Variants in PTPRK observed in about 807,000 individuals in gnomAD.
PTPRK encodes the protein protein tyrosine phosphatase receptor type K.
In PTPRK, 75 loss-of-function variants were observed where a neutral mutation model predicts 178.0. The ratio of observed to expected loss-of-function variants is 0.42; its 90% CI spans 0.35 to 0.51. The LOEUF (loss-of-function observed/expected upper bound fraction) is 0.51. PTPRK is among the 20% of genes least tolerant of loss of function. The pLI is 0.02. For synonymous variants in PTPRK, 637 were observed against 620.6 expected (o/e 1.03, Z -0.39); for missense variants, 1,441 against 1,797.8 (o/e 0.80, Z 3.59).
At chr6:127,988,792 C>G (rs1303608427) in intron 21 of PTPRK, among the ~76,000 whole-genome samples, 1 of 151,694 alleles carries the variant, frequency 6.6e-6, no homozygotes, top group Admixed American at 6.6e-5. Flanking sequence ...AATAAACAAG[C>G]TTTTTCTTTT....
intron 13 of PTPRK, among the ~76,000 whole-genome samples, chr6:128,063,266 A>G (rs1403560865): frequency 1.3e-5 from 2 of 152,200 alleles, no homozygotes; most frequent in African/African-American, 4.8e-5. Flanking sequence ...GCCACATGGT[A>G]AGACTGTTTC....
intron 3 of PTPRK, among the ~76,000 whole-genome samples, chr6:128,313,808 C>T (rs1016057586): frequency 1.3e-5 from 2 of 152,184 alleles, no homozygotes; most frequent in East Asian, 3.9e-4. Context: ...AGACCAGACA[C>T]AATCAGAGCT....
chr6:128,025,609 T>A (rs1774172981), intron 13 of PTPRK, among the ~76,000 whole-genome samples: 1 of 152,192 alleles, frequency 6.6e-6, no homozygotes, highest in Non-Finnish European at 1.5e-5. Context: ...ATATTTATTC[T>A]CTTACAGTTC....
intron 10 of PTPRK, among the ~76,000 whole-genome samples, chr6:128,081,721 T>C (rs1784856539): frequency 6.6e-6 from 1 of 151,962 alleles, no homozygotes; most frequent in African/African-American, 2.4e-5. Context: ...TTAGTAATCT[T>C]AAATAAGAAA....
intron 7 of PTPRK, among the ~76,000 whole-genome samples, chr6:128,117,884 C>T (rs1405542880): frequency 6.6e-6 from 1 of 152,150 alleles, no homozygotes; most frequent in East Asian, 1.9e-4. Context: ...AACTCCTGAC[C>T]TCAGGCAATC....
chr6:128,447,349 C>A (rs1442206508), intron 1 of PTPRK, among the ~76,000 whole-genome samples: 2 of 152,178 alleles, frequency 1.3e-5, no homozygotes, highest in African/African-American at 2.4e-5. Context: ...CAAGTCTCCA[C>A]CATATGTCAG....
Position 128,477,587 on chromosome 6 carries a change from T to G in PTPRK, c.100+42672A>C, listed in dbSNP as rs117318213. On this transcript the variant is annotated intron_variant, in intron 1 of 29. Coordinates refer to ENST00000368226, the MANE Select transcript of PTPRK (RefSeq NM_002844.4). Reference sequence around the variant, plus strand: ...AATCTCTTTTCTGTACACTTTAGAATAAATTAAATTCTAAAAGCTAAATTT... The same window carrying G: ...AATCTCTTTTCTGTACACTTTAGAAGAAATTAAATTCTAAAAGCTAAATTT... Among the ~76,000 whole-genome samples, 1,161 of 152,258 alleles carry G rather than the reference T, an allele frequency of 7.6e-3. 12 individuals are homozygous for G. Among genetic ancestry groups the G allele is most frequent in the Non-Finnish European group, 0.012 (823 of 68,002 alleles).
intron 1 of PTPRK, among the ~76,000 whole-genome samples, chr6:128,421,388 G>A (rs1302728858): frequency 6.6e-6 from 1 of 152,176 alleles, no homozygotes; most frequent in East Asian, 1.9e-4. Context: ...ATCGGTATTT[G>A]TGGCAGAAGA....
intron 1 of PTPRK, among the ~76,000 whole-genome samples, chr6:128,470,904 T>G (rs904853330): frequency 1.3e-5 from 2 of 150,282 alleles, no homozygotes; most frequent in African/African-American, 4.9e-5. Context: ...AGTGAATTTC[T>G]TTCTTCCTTT....
At chr6:128,169,029 A>T (rs1799821026) in intron 7 of PTPRK, among the ~76,000 whole-genome samples, 1 of 152,096 alleles carries the variant, frequency 6.6e-6, no homozygotes, top group Admixed American at 6.6e-5. Context: ...TTTTTCTTGA[A>T]GTCAAATGAG....
chr6:128,251,788 G>A (rs1460007877), intron 3 of PTPRK, among the ~76,000 whole-genome samples: 1 of 152,074 alleles, frequency 6.6e-6, no homozygotes, highest in East Asian at 1.9e-4. Flanking sequence ...TATTTATAAT[G>A]TTACCAGGTA....
intron 1 of PTPRK, among the ~76,000 whole-genome samples, chr6:128,506,772 T>C (rs986776863): frequency 1.3e-5 from 2 of 152,068 alleles, no homozygotes; most frequent in African/African-American, 4.8e-5. Context: ...TATAAAGTGA[T>C]GCTTGTGGTC....
intron 11 of PTPRK, among the ~76,000 whole-genome samples, chr6:128,071,935 A>C (rs1429257332): frequency 6.6e-6 from 1 of 152,034 alleles, no homozygotes; most frequent in Non-Finnish European, 1.5e-5. Context: ...TAAAAGATGA[A>C]ATAAGAAATA....
intron 5 of PTPRK, among the ~76,000 whole-genome samples, chr6:128,223,506 G>A (rs1480298941): frequency 2.6e-5 from 4 of 151,828 alleles, no homozygotes; most frequent in Non-Finnish European, 5.9e-5. Context: ...ATATGTGTGT[G>A]TATTAATATA....
intron 2 of PTPRK, among the ~76,000 whole-genome samples, chr6:128,338,724 A>G (rs754280350): frequency 6.6e-6 from 1 of 152,060 alleles, no homozygotes; most frequent in Non-Finnish European, 1.5e-5. Flanking sequence ...TAGCTTCCTA[A>G]TCAATGTTCT....
chr6:128,337,955 G>A (rs1170309508), intron 2 of PTPRK, among the ~76,000 whole-genome samples: 1 of 152,182 alleles, frequency 6.6e-6, no homozygotes, highest in African/African-American at 2.4e-5. Flanking sequence ...GAGACTGAAA[G>A]TTTGGCTGCA....
chr6:128,220,046 T>C (rs1415378820), intron 5 of PTPRK, among the ~76,000 whole-genome samples: 1 of 152,200 alleles, frequency 6.6e-6, no homozygotes, highest in Admixed American at 6.5e-5. Flanking sequence ...GGAAGCCATA[T>C]TTATGATATC....
chr6:128,001,028 T>A (rs1423897293), intron 15 of PTPRK, among the ~76,000 whole-genome samples: 2 of 152,040 alleles, frequency 1.3e-5, no homozygotes, highest in African/African-American at 4.8e-5. Flanking sequence ...AATAATCACA[T>A]ATGCATTATT....
intron 1 of PTPRK, among the ~76,000 whole-genome samples, chr6:128,484,547 C>G (rs186551748): frequency 6.6e-6 from 1 of 152,246 alleles, no homozygotes; most frequent in East Asian, 1.9e-4. Flanking sequence ...AGCCAGTTAT[C>G]AAGTGATAAT....
Sources: gnomAD v4.1 joint callset for allele counts (sites outside exome capture counted in the v4.1 genomes callset) on GRCh38, gnomAD v4.1.1 for gene constraint, MANE v1.5 for transcripts, NCBI Gene and HGNC (gene_info 2026-07-23, HGNC 2026-07-21) for gene names.